Variants in SYNE1 observed in about 807,000 individuals in gnomAD.
SYNE1 encodes the protein spectrin repeat containing nuclear envelope protein 1.
SYNE1 carries 616 observed loss-of-function variants against 1,111.0 expected under a neutral mutation model. The observed-to-expected ratio is 0.55, with a 90% CI of 0.52 to 0.59. The LOEUF is 0.59. SYNE1 is among the 20% of genes least tolerant of loss of function. SYNE1 has a pLI of 0.00. For synonymous variants in SYNE1, 3,855 were observed against 3,825.8 expected (o/e 1.01, Z -0.28); for missense variants, 10,006 against 10,417.0 (o/e 0.96, Z 1.72).
At chr6:152,128,190 A>C (rs1432609339) in intron 145 of SYNE1, 1 of 152,254 alleles carries the variant, frequency 6.6e-6, no homozygotes, top group African/African-American at 2.4e-5. Flanking sequence ...GTAGGGAAAA[A>C]GTACCAGCTA....
At chr6:152,378,443 C>T (rs1299065094) in intron 56 of SYNE1, among the ~76,000 whole-genome samples, 1 of 152,190 alleles carries the variant, frequency 6.6e-6, no homozygotes, top group Non-Finnish European at 1.5e-5. Context: ...CCTTTGTTTC[C>T]TTTCTCACTC....
At chr6:152,409,015 T>C in intron 44 of SYNE1, 53 bp downstream of exon 44, 15 of 1,571,610 alleles carry the variant, frequency 9.5e-6, no homozygotes, top group South Asian at 6.8e-5. Flanking sequence ...AAAAATTTGA[T>C]TGGGGAATGT....
chr6:152,256,276 A>T (rs998153485), intron 102 of SYNE1, among the ~76,000 whole-genome samples: 1 of 151,232 alleles, frequency 6.6e-6, no homozygotes, highest in Admixed American at 6.6e-5. Flanking sequence ...AAAAATAAAA[A>T]AAAATCAGCC....
chr6:152,316,988 T>G lies in SYNE1; in HGVS notation c.16573-2A>C, dbSNP rs2095741292. On this transcript the variant is annotated splice_acceptor_variant, in intron 86 of 145. Coordinates refer to ENST00000367255, the MANE Select transcript of SYNE1 (RefSeq NM_182961.4). LOFTEE classifies it high-confidence loss of function. ...GTATTCTTCTAAATGTGATGCTGCC[T>G]GAAAAACCAGTAACATTAATGTAAC... 1 of 1,613,642 alleles carries G rather than the reference T, an allele frequency of 6.2e-7. No homozygotes were observed. Among genetic ancestry groups the G allele is most frequent in the Non-Finnish European group, 8.5e-7 (1 of 1,179,952 alleles).
intron 115 of SYNE1, among the ~76,000 whole-genome samples, chr6:152,230,113 G>A (rs2082430803): frequency 6.6e-6 from 1 of 151,812 alleles, no homozygotes; most frequent in Admixed American, 6.6e-5. Context: ...GCTTACTGCA[G>A]CCTCGATCTC....
intron 99 of SYNE1, 101 bp from the exon 100 acceptor site, chr6:152,268,266 G>A (rs2092894986): frequency 1.1e-6 from 1 of 904,878 alleles, no homozygotes; most frequent in Non-Finnish European, 1.8e-6. Flanking sequence ...CTTCGGTAGT[G>A]AGCTTTTAAG....
At position 152,330,886 on chromosome 6, in the gene SYNE1, G is replaced by A. The variant is rs776246492; in HGVS notation, c.13799C>T (p.Thr4600Ile). 6.2e-7 allele frequency: 1 copy of A among 1,614,044 alleles called. No individual in the cohort carries two copies. Residue 4600 changes from threonine (T) to isoleucine (I), a missense_variant, in exon 78 of 146, where the codon ACA becomes ATA. By Grantham distance (89) the Thr-to-Ile change is moderately conservative. Coordinates refer to ENST00000367255, the MANE Select transcript of SYNE1 (RefSeq NM_182961.4). The part of the protein sequence containing the change: ...NLMNESSELH[T>I]QLAKYQNILE... Reference sequence around the variant, plus strand: ...AATGTTTTGGTATTTAGCCAGTTGTGTATGAAGCTCAGAACTCTCATTCAT... The same window carrying A: ...AATGTTTTGGTATTTAGCCAGTTGTATATGAAGCTCAGAACTCTCATTCAT...
intron 3 of SYNE1, among the ~76,000 whole-genome samples, chr6:152,620,609 C>T (rs1307529846): frequency 3.3e-5 from 5 of 151,970 alleles, no homozygotes; most frequent in African/African-American, 7.2e-5. Context: ...TACACCAAAC[C>T]GAATTCATCA....
chr6:152,377,275 A>G (rs1369177462), intron 56 of SYNE1, among the ~76,000 whole-genome samples: 1 of 152,120 alleles, frequency 6.6e-6, no homozygotes, highest in Non-Finnish European at 1.5e-5. Flanking sequence ...AGGTGAAAAC[A>G]AATTATTTTA....
intron 34 of SYNE1, among the ~76,000 whole-genome samples, chr6:152,431,296 A>C (rs554371993): frequency 6.6e-6 from 1 of 152,284 alleles, no homozygotes; most frequent in African/African-American, 2.4e-5. Context: ...AGACTTACTA[A>C]GTCTAAGGTG....
chr6:152,542,842 G>A (rs1199096608), intron 3 of SYNE1, among the ~76,000 whole-genome samples: 1 of 152,058 alleles, frequency 6.6e-6, no homozygotes, highest in Non-Finnish European at 1.5e-5. Context: ...AGGTTGGATG[G>A]AATTTGGAAC....
intron 116 of SYNE1, 126 bp downstream of exon 116, chr6:152,225,595 A>G: frequency 8.6e-7 from 1 of 1,168,592 alleles, no homozygotes; most frequent in Non-Finnish European, 1.2e-6. Flanking sequence ...AAGTGGACTT[A>G]AAAGTACAAG....
chr6:152,309,808 C>A, intron 90 of SYNE1, 27 bp downstream of exon 90: 1 of 1,612,526 alleles, frequency 6.2e-7, no homozygotes, highest in East Asian at 2.2e-5. Context: ...AGCAATTGCT[C>A]TACTGGTGTG....
intron 98 of SYNE1, among the ~76,000 whole-genome samples, chr6:152,273,448 A>T (rs1322521214): frequency 6.6e-6 from 1 of 152,080 alleles, no homozygotes; most frequent in African/African-American, 2.4e-5. Context: ...GTTCTAAAGA[A>T]TTTTTTTAAG....
rs893627675 is a variant in SYNE1, at chr6:152,169,012, C to T, written c.23628-4687G>A. 2.0e-5 allele frequency among the ~76,000 whole-genome samples: 3 copies of T among 152,132 alleles called. No homozygotes were observed. In the East Asian group the frequency reaches 5.8e-4, roughly 29 times the overall value. ...GCAGATGATAATTTAATAATTTATACTTTTAAAGAAAATAAGTCCCCAAAT... is the reference window on the plus strand; with the variant it reads ...GCAGATGATAATTTAATAATTTATATTTTTAAAGAAAATAAGTCCCCAAAT... On this transcript the variant is annotated intron_variant, in intron 130 of 145. Transcript: ENST00000367255.
intron 3 of SYNE1, among the ~76,000 whole-genome samples, chr6:152,584,561 C>A (rs1007198774): frequency 2.0e-5 from 3 of 152,046 alleles, no homozygotes; most frequent in African/African-American, 7.2e-5. Context: ...TACCACCATG[C>A]CCAACTAATT....
chr6:152,580,406 A>G (rs1184225872), intron 3 of SYNE1, among the ~76,000 whole-genome samples: 1 of 151,920 alleles, frequency 6.6e-6, no homozygotes, highest in Non-Finnish European at 1.5e-5. Flanking sequence ...TGAATTCTGG[A>G]TATTAGATCT....
Position 152,363,411 on chromosome 6 carries a change from G to C in SYNE1, c.10146-1088C>G, listed in dbSNP as rs184228919. Among the ~76,000 whole-genome samples, 751 of 150,652 alleles carry C rather than the reference G, an allele frequency of 5.0e-3. 8 individuals are homozygous for C. Among genetic ancestry groups the C allele is most frequent in the African/African-American group, 0.017 (716 of 41,346 alleles). ...CGAGAGGCTGAGGCAGGAGAATGGC[G>C]TGAACCCGGGAGGCGGAGCTCGCAG... On this transcript the variant is annotated intron_variant, in intron 63 of 145. Coordinates refer to ENST00000367255, the MANE Select transcript of SYNE1 (RefSeq NM_182961.4).
intron 66 of SYNE1, among the ~76,000 whole-genome samples, chr6:152,355,801 T>C (rs2096826886): frequency 6.6e-6 from 1 of 152,198 alleles, no homozygotes; most frequent in East Asian, 1.9e-4. Context: ...TATCAGTATA[T>C]GTAGTTAAAA....
Sources: allele counts gnomAD v4.1 joint callset (sites outside exome capture counted in the v4.1 genomes callset), GRCh38; gene constraint gnomAD v4.1.1; transcripts MANE v1.5; gene names NCBI Gene and HGNC (gene_info 2026-07-23, HGNC 2026-07-21).